The following BHMT variants were observed in gnomAD, a reference collection of about 807,000 sequenced individuals.
BHMT encodes betaine--homocysteine S-methyltransferase 1.
BHMT carries 38 observed loss-of-function variants against 49.5 expected under a neutral mutation model. The ratio of observed to expected loss-of-function variants is 0.77; its 90% CI spans 0.59 to 1.01. The LOEUF is 1.01. BHMT is among the 50% of genes least tolerant of loss of function. The pLI, the probability that BHMT is intolerant of heterozygous loss-of-function variation, is 0.00. For synonymous variants in BHMT, 166 were observed against 176.3 expected, an observed-to-expected ratio of 0.94 and a Z score of 0.46; for missense variants, 426 against 495.7, an observed-to-expected ratio of 0.86 and a Z score of 1.34.
At chr5:79,114,956 G>T (rs188978083) in intron 1 of BHMT, among the ~76,000 whole-genome samples, 73 of 152,266 alleles carry the variant, frequency 4.8e-4, no homozygotes, top group East Asian at 3.3e-3. Context: ...GGTGATTACT[G>T]CACAGTATTG....
rs193083153 is a variant in BHMT, at chr5:79,119,325, C to T, written c.233C>T (p.Ala78Val). Residue 78 changes from alanine to valine, a missense_variant, in exon 3 of 8, where the codon GCG becomes GTG. Ala to Val is a moderately conservative substitution (Grantham distance 64). Around this residue, in one of 3 missense-constraint regions of BHMT, gnomAD observed 321 missense variants for 355.9 expected, o/e 0.90. Coordinates refer to ENST00000274353, the MANE Select transcript of BHMT (RefSeq NM_001713.3). The part of the protein sequence containing the change: ...SNVMQTFTFY[A>V]SEDKLENRGN... The stretch of plus-strand genomic sequence containing the variant: ...GTCATGCAGACCTTCACCTTCTATG[C>T]GAGTGAAGACAAGCTGGAGAACAGG... 4.7e-5 allele frequency: 76 copies of T among 1,614,024 alleles called. No individual in the cohort carries two copies. Among genetic ancestry groups the T allele is most frequent in the Middle Eastern group, 1.6e-4 (1 of 6,062 alleles).
At chr5:79,114,328 G>C (rs1297434727) in intron 1 of BHMT, among the ~76,000 whole-genome samples, 1 of 152,038 alleles carries the variant, frequency 6.6e-6, no homozygotes, top group African/African-American at 2.4e-5. Context: ...TGATCTGAAA[G>C]GTATATTAGG....
At chr5:79,130,849 A>G in intron 7 of BHMT, 84 bp from the exon 8 acceptor site, 1 of 1,216,422 alleles carries the variant, frequency 8.2e-7, no homozygotes, top group Admixed American at 2.8e-5. Context: ...AAAATATTAT[A>G]TAATTTTTAA....
intron 5 of BHMT, among the ~76,000 whole-genome samples, chr5:79,123,764 C>T (rs1363078232): frequency 6.6e-6 from 1 of 152,082 alleles, no homozygotes; most frequent in Non-Finnish European, 1.5e-5. Context: ...GTTGGCCAGG[C>T]TGGTCTTGAA....
chr5:79,115,822 TCTTTGCA>T lies in BHMT; in HGVS notation c.92_98del (p.Phe31TrpfsTer7). 1 of 1,614,086 alleles carries T rather than the reference TCTTTGCA, an allele frequency of 6.2e-7. No individual in the cohort carries two copies. Among genetic ancestry groups the T allele is most frequent in the Non-Finnish European group, 8.5e-7 (1 of 1,179,978 alleles). ...ATTGTGATTGGAGATGGAGGGTTTG[TCTTTGCA>T]CTGGAGAAGAGGGGCTACGTAAAGG... On this transcript the variant is annotated frameshift_variant, in exon 2 of 8. Transcript: ENST00000274353. LOFTEE classifies it high-confidence loss of function.
rs1036808942 is a variant in BHMT at position 79,121,263 on chromosome 5, A to G, written c.523A>G (p.Ile175Val). The change falls in exon 5 of 8, where the codon ATA becomes GTA. Residue 175 changes from isoleucine (I) to valine (V), a missense_variant. By Grantham distance (29) the Ile-to-Val change is conservative. This residue lies in a region of BHMT where 321 missense variants were observed against 355.9 expected (regional missense o/e 0.90). Coordinates refer to ENST00000274353, the MANE Select transcript of BHMT (RefSeq NM_001713.3). ...AGCTGTGTGGGCAGTTGAAACCTTG[A>G]TAGCATCCGGTAAACCTGTGGCAGC... ...EEAVWAVETL[I>V]ASGKPVAATM... 12 of 1,614,082 alleles carry G rather than the reference A, an allele frequency of 7.4e-6. No homozygotes were observed. The highest frequency in any genetic ancestry group is 2.7e-5 in the African/African-American group (2 of 74,930).
Position 79,121,324 on chromosome 5 carries a change from G to T in BHMT, c.584G>T (p.Gly195Val). The change falls in exon 5 of 8, where the codon GGC (glycine) becomes GTC (valine). Residue 195 changes from glycine (G) to valine (V), a missense_variant. Transcript: ENST00000274353. Reference sequence around the variant, plus strand: ...ATTGGCCCAGAAGGAGATTTGCATGGCGTGCCCCCCGGCGAGTGTGCAGTG... The same window carrying T: ...ATTGGCCCAGAAGGAGATTTGCATGTCGTGCCCCCCGGCGAGTGTGCAGTG... Reference protein sequence around the residue: ...MCIGPEGDLHGVPPGECAVRL... With the variant: ...MCIGPEGDLHVVPPGECAVRL... 6.2e-7 allele frequency: 1 copy of T among 1,614,198 alleles called. No individual in the cohort carries two copies. The highest frequency in any genetic ancestry group is 8.5e-7 in the Non-Finnish European group (1 of 1,180,010).
Position 79,119,271 on chromosome 5 carries a change from A to G in BHMT, c.179A>G (p.His60Arg), listed in dbSNP as rs537874141. The G allele has an allele frequency of 3.7e-6, 6 of 1,608,176 alleles. No homozygotes were observed. In the South Asian group the frequency reaches 6.7e-5, roughly 18 times the overall value. ...VEHPEAVRQL[H>R]REFLRAGSNV... ...TTCACTCTCCCAGTTCGCCAGCTTC[A>G]TCGAGAGTTCCTCAGAGCTGGCTCA... The change falls in exon 3 of 8, where the codon CAT (histidine) becomes CGT (arginine). Residue 60 changes from histidine (H) to arginine (R), a missense_variant. By Grantham distance (29) the His-to-Arg change is conservative (BLOSUM62 0). Transcript: ENST00000274353.
At chr5:79,128,150 ATTGTT>A (rs1298846485) in intron 7 of BHMT, 167 bp downstream of exon 7, 1 of 908,802 alleles carries the variant, frequency 1.1e-6, no homozygotes, top group African/African-American at 1.7e-5. Context: ...ATTTCTGGAG[ATTGTT>A]TTAAGAATAT....
intron 5 of BHMT, among the ~76,000 whole-genome samples, chr5:79,124,731 C>T (rs1242676075): frequency 6.6e-6 from 1 of 152,148 alleles, no homozygotes; most frequent in Non-Finnish European, 1.5e-5. Context: ...CCAAATTTTA[C>T]AAGAATACTG....
At chr5:79,121,500 A>G in intron 5 of BHMT, 135 bp downstream of exon 5, 2 of 1,273,222 alleles carry the variant, frequency 1.6e-6, no homozygotes, top group Non-Finnish European at 2.1e-6. Flanking sequence ...GAATATTGAT[A>G]TTATTGAATC....
intron 7 of BHMT, among the ~76,000 whole-genome samples, chr5:79,129,728 G>A (rs952469749): frequency 6.6e-6 from 1 of 152,140 alleles, no homozygotes; most frequent in African/African-American, 2.4e-5. Flanking sequence ...AGAGTGAGAG[G>A]TGCAGAAGTT....
intron 5 of BHMT, among the ~76,000 whole-genome samples, chr5:79,122,775 C>G (rs1471363645): frequency 6.6e-6 from 1 of 151,920 alleles, no homozygotes; most frequent in African/African-American, 2.4e-5. Context: ...GGTATACACA[C>G]ACATACAAGT....
intron 6 of BHMT, 161 bp downstream of exon 6, chr5:79,126,389 C>T (rs1490829491): frequency 5.4e-6 from 4 of 737,660 alleles, no homozygotes; most frequent in Non-Finnish European, 8.6e-6. Flanking sequence ...AAAGCCCCTT[C>T]GTATTAGAGA....
At chr5:79,123,636 C>G (rs1325191022) in intron 5 of BHMT, among the ~76,000 whole-genome samples, 1 of 152,114 alleles carries the variant, frequency 6.6e-6, no homozygotes, top group Admixed American at 6.6e-5. Flanking sequence ...ACTGTAACCT[C>G]CACCTCCTGG....
chr5:79,114,799 G>A (rs1200927622), intron 1 of BHMT, among the ~76,000 whole-genome samples: 1 of 152,110 alleles, frequency 6.6e-6, no homozygotes, highest in East Asian at 1.9e-4. Flanking sequence ...ATGAGAGAGA[G>A]ATCTCAATTG....
intron 2 of BHMT, among the ~76,000 whole-genome samples, chr5:79,118,477 C>A (rs1405506493): frequency 6.6e-6 from 1 of 152,018 alleles, no homozygotes; most frequent in Non-Finnish European, 1.5e-5. Context: ...AAAAAACAAA[C>A]AAACAAACAA....
At chr5:79,113,396 T>C (rs1008947617) in intron 1 of BHMT, among the ~76,000 whole-genome samples, 1 of 152,234 alleles carries the variant, frequency 6.6e-6, no homozygotes, top group African/African-American at 2.4e-5. Flanking sequence ...TAAAGAATTA[T>C]CTTTGTAGAA....
chr5:79,112,440 A>C (rs1756317373), intron 1 of BHMT, among the ~76,000 whole-genome samples: 1 of 152,334 alleles, frequency 6.6e-6, no homozygotes, highest in East Asian at 1.9e-4. Context: ...CGCCCAGAAC[A>C]GGGAGGAGTG....
Sources: allele counts gnomAD v4.1 joint callset (sites outside exome capture counted in the v4.1 genomes callset), GRCh38; gene constraint gnomAD v4.1.1; regional missense constraint gnomAD v4.1.1; transcripts MANE v1.5; gene names NCBI Gene and HGNC (gene_info 2026-07-23, HGNC 2026-07-21).